PLPBP: variants seen among roughly 807,000 people sequenced by gnomAD.
PLPBP encodes the protein pyridoxal phosphate homeostasis protein.
Under a neutral mutation model 31.2 loss-of-function variants are expected in PLPBP, and 21 were observed. The observed-to-expected ratio is 0.67, with a 90% CI of 0.48 to 0.97. PLPBP has a LOEUF of 0.97. Ranked by LOEUF, PLPBP falls within the 50% of genes least tolerant of loss-of-function variation. The probability of loss-of-function intolerance (pLI) is 0.00; values close to 1 mark genes in which losing one functional copy is unlikely to be tolerated. For missense variants in PLPBP, 308 were observed against 354.4 expected (o/e 0.87, Z 1.05); for synonymous variants, 124 against 135.6 (o/e 0.91, Z 0.59).
At chr8:37,764,860 C>G (rs1803579380) in intron 1 of PLPBP, among the ~76,000 whole-genome samples, 1 of 152,152 alleles carries the variant, frequency 6.6e-6, no homozygotes, top group South Asian at 2.1e-4. Flanking sequence ...TTAGAGTCAT[C>G]TGGAGAGATT....
In PLPBP at chr8:37,778,893, G is replaced by A. The variant is rs1470781143; in HGVS notation, c.*789G>A. 6.6e-6 allele frequency: 1 copy of A among 150,600 alleles called. No individual in the cohort carries two copies. The highest frequency in any genetic ancestry group is 2.4e-5 in the African/African-American group (1 of 40,848). 9.3% of individuals were successfully genotyped at this position (150,600 alleles called of 1,614,324 possible). A position where few individuals can be genotyped will look rare whatever the true frequency, so the allele number is the denominator to read the frequency against. ...GGAGTTTGAGGCTGCAGTGAGCTATGATTGCACCACTGTACTCCTGCCTTA... is the reference window on the plus strand; with the variant it reads ...GGAGTTTGAGGCTGCAGTGAGCTATAATTGCACCACTGTACTCCTGCCTTA... On this transcript the variant is annotated 3_prime_UTR_variant, in exon 8 of 8. Coordinates refer to ENST00000328195, the MANE Select transcript of PLPBP (RefSeq NM_007198.4).
chr8:37,774,417 A>G (rs1005230282), intron 5 of PLPBP, among the ~76,000 whole-genome samples: 1 of 152,162 alleles, frequency 6.6e-6, no homozygotes, highest in South Asian at 2.1e-4. Flanking sequence ...TTTTTTGGCA[A>G]TGGTATCATG....
intron 1 of PLPBP, 54 bp downstream of exon 1, chr8:37,762,812 A>G: frequency 6.6e-7 from 1 of 1,518,880 alleles, no homozygotes; most frequent in Non-Finnish European, 8.8e-7. Flanking sequence ...GAAGAGGGAC[A>G]CCTGCGTGGG....
chr8:37,770,945 G>A (rs533450358), intron 4 of PLPBP, among the ~76,000 whole-genome samples: 49 of 152,268 alleles, frequency 3.2e-4, no homozygotes, highest in African/African-American at 1.2e-3. Context: ...AGAAGGGGCA[G>A]GAAAACCTAA....
intron 7 of PLPBP, among the ~76,000 whole-genome samples, chr8:37,777,544 G>C (rs113764334): frequency 0.014 from 2,071 of 152,112 alleles, 37 homozygotes; most frequent in African/African-American, 0.048. Flanking sequence ...CTTCAGCTGT[G>C]TTATTATTCA....
chr8:37,770,876 CATGTTAGAAAT>C (rs1339423438), intron 4 of PLPBP, among the ~76,000 whole-genome samples: 2 of 152,270 alleles, frequency 1.3e-5, no homozygotes, highest in East Asian at 3.9e-4. Flanking sequence ...TGCACCTAGC[CATGTTAGAAAT>C]ATGTAAAGGT....
chr8:37,763,260 T>C (rs1456913759), intron 1 of PLPBP, among the ~76,000 whole-genome samples: 1 of 152,094 alleles, frequency 6.6e-6, no homozygotes, highest in Non-Finnish European at 1.5e-5. Context: ...GCGGCACTTG[T>C]TTATGGGGCA....
rs1032214587 is a variant in PLPBP at position 37,778,664 on chromosome 8, C to T, written c.*560C>T. 5 of 152,202 alleles carry T rather than the reference C, an allele frequency of 3.3e-5. No individual in the cohort carries two copies. Among genetic ancestry groups the T allele is most frequent in the African/African-American group, 9.7e-5 (4 of 41,384 alleles). 9.4% of individuals were successfully genotyped at this position (152,202 alleles called of 1,614,324 possible). The stretch of plus-strand genomic sequence containing the variant: ...ATGGCTCAGGTTAATTCTCAAAACA[C>T]AAATTGTTGCTGGCCAGGCATGGTG... On this transcript the variant is annotated 3_prime_UTR_variant, in exon 8 of 8. Transcript: ENST00000328195.
chr8:37,775,282 C>G (rs1208689383), intron 5 of PLPBP, 57 bp from the exon 6 acceptor site: 1 of 1,596,186 alleles, frequency 6.3e-7, no homozygotes, highest in Non-Finnish European at 8.6e-7. Flanking sequence ...GAAAATGGAG[C>G]CTTCCTCTGG....
rs10089505 is a variant in PLPBP, at chr8:37,766,213, C to T, written c.244-67C>T. On this transcript the variant is annotated intron_variant, in intron 3 of 7. Coordinates refer to ENST00000328195, the MANE Select transcript of PLPBP (RefSeq NM_007198.4). ...GATGTGAAAGGTGACAGGGAGTGCA[C>T]GAGGCGTTTGAGCCAGCAAGGCCTC... is the stretch of plus-strand genomic sequence containing the variant. 8.5e-4 allele frequency: 1,007 copies of T among 1,191,188 alleles called. 6 individuals are homozygous for T. In the African/African-American group the frequency reaches 0.013, roughly 16 times the overall value. The allele number at this position is 1,191,188 out of a possible 1,614,324, so 73.8% of individuals were successfully genotyped here. A position where few individuals can be genotyped will look rare whatever the true frequency, so the allele number is the denominator to read the frequency against.
intron 4 of PLPBP, among the ~76,000 whole-genome samples, chr8:37,771,878 T>G (rs1803780109): frequency 6.6e-6 from 1 of 152,062 alleles, no homozygotes; most frequent in African/African-American, 2.4e-5. Context: ...AAGAATAGCT[T>G]GAACCCAGGA....
At chr8:37,765,464 A>G (rs985927935) in intron 1 of PLPBP, 62 bp from the exon 2 acceptor site, 30 of 1,448,342 alleles carry the variant, frequency 2.1e-5, no homozygotes, top group African/African-American at 1.1e-4. Flanking sequence ...GATCTATCCT[A>G]TGGGATTCAT....
Position 37,765,732 on chromosome 8 carries a change from G to C in PLPBP, c.229G>C (p.Ala77Pro). The C allele has an allele frequency of 6.2e-7, 1 of 1,611,704 alleles. No homozygotes were observed. The highest frequency in any genetic ancestry group is 8.5e-7 in the Non-Finnish European group (1 of 1,179,474). ...TTAGGTTCAGGAACTGCTAGAAAAA[G>C]CATCAAATCCCAAAGTAAGTAGATA... is the stretch of plus-strand genomic sequence containing the variant. ...ENYVQELLEK[A>P]SNPKILSLCP... Residue 77 changes from alanine to proline, a missense_variant, in exon 3 of 8, where the codon GCA becomes CCA. Transcript: ENST00000328195.
upstream of PLPBP, chr8:37,762,626 CG>C: frequency 5.2e-6 from 8 of 1,548,306 alleles, no homozygotes; most frequent in African/African-American, 2.7e-5. Context: ...CACGGGCTGC[CG>C]GGGGCCTGGG....
chr8:37,766,361 A>G lies in PLPBP; in HGVS notation c.319+6A>G, dbSNP rs752138974. ...AAATGTCAACAAATTGATGGGTAAG[A>G]TAAAATTAAATATGAAAACAAAATT... On this transcript the variant is annotated splice_donor_region_variant and intron_variant, in intron 4 of 7. Transcript: ENST00000328195. 6.3e-7 allele frequency: 1 copy of G among 1,597,632 alleles called. No individual in the cohort carries two copies. Among genetic ancestry groups the G allele is most frequent in the Non-Finnish European group, 8.6e-7 (1 of 1,168,512 alleles).
At chr8:37,766,167 A>G (rs1423608910) in intron 3 of PLPBP, 113 bp from the exon 4 acceptor site, 2 of 763,002 alleles carry the variant, frequency 2.6e-6, no homozygotes, top group Non-Finnish European at 4.3e-6. Flanking sequence ...ATAGTTTATT[A>G]CATTTAAGGA....
chr8:37,778,241 G>GTGC lies in PLPBP; in HGVS notation c.*139_*141dup. The GTGC allele has an allele frequency of 9.0e-7, 1 of 1,106,754 alleles. No homozygotes were observed. The highest frequency in any genetic ancestry group is 1.2e-6 in the Non-Finnish European group (1 of 801,346). The allele number at this position is 1,106,754 out of a possible 1,614,324, so 68.6% of individuals were successfully genotyped here. The stretch of plus-strand genomic sequence containing the variant: ...TCACGTGTGTTGATGGAAACCATCT[G>GTGC]TGCTTAGTCTCTGACATAGGAAGCT... On this transcript the variant is annotated 3_prime_UTR_variant, in exon 8 of 8. Transcript: ENST00000328195.
At chr8:37,770,759 T>A (rs1274235109) in intron 4 of PLPBP, among the ~76,000 whole-genome samples, 1 of 151,802 alleles carries the variant, frequency 6.6e-6, no homozygotes, top group Non-Finnish European at 1.5e-5. Flanking sequence ...GTATTTTTGG[T>A]AAAGACGGGG....
At chr8:37,775,289 C>T in intron 5 of PLPBP, 50 bp from the exon 6 acceptor site, 1 of 1,607,220 alleles carries the variant, frequency 6.2e-7, no homozygotes, top group Non-Finnish European at 8.5e-7. Context: ...GAGCCTTCCT[C>T]TGGCCATTTA....
Sources: allele counts gnomAD v4.1 joint callset (sites outside exome capture counted in the v4.1 genomes callset), GRCh38; gene constraint gnomAD v4.1.1; transcripts MANE v1.5; gene names NCBI Gene and HGNC (gene_info 2026-07-23, HGNC 2026-07-21).